Variants in LHB observed in about 807,000 individuals in gnomAD.
LHB encodes the protein luteinizing hormone subunit beta.
LHB carries 11 observed loss-of-function variants against 10.6 expected under a neutral mutation model. The observed-to-expected ratio is 1.04, with a 90% confidence interval of 0.66 to 1.72. The LOEUF (loss-of-function observed/expected upper bound fraction) is 1.72. Ranked by LOEUF, LHB falls within the 40% of genes most tolerant of loss-of-function variation. LHB has a pLI of 0.00. For synonymous variants in LHB, 86 were observed against 83.1 expected (o/e 1.03, Z -0.19); for missense variants, 184 against 197.3 (o/e 0.93, Z 0.41).
chr19:49,016,881 C>T (rs1489459309), intron 1 of LHB, 167 bp from the exon 2 acceptor site: 1 of 1,580,570 alleles, frequency 6.3e-7, no homozygotes, highest in Non-Finnish European at 8.6e-7. Context: ...CCCCACAGCC[C>T]AGAGGACCTG....
chr19:49,018,928 C>T (rs1055243886), upstream of LHB: 90 of 1,534,306 alleles, frequency 5.9e-5, no homozygotes, highest in Admixed American at 2.9e-4. Flanking sequence ...TGGCGGCGGT[C>T]CAGGACGCCC....
chr19:49,016,307 G>C lies in LHB; in HGVS notation c.187C>G (p.Arg63Gly), dbSNP rs751012697. 2.5e-6 allele frequency: 4 copies of C among 1,610,482 alleles called. No homozygotes were observed. Among genetic ancestry groups the C allele is most frequent in the East Asian group, 2.2e-5 (1 of 44,882 alleles). ...GGCGGCAGGACCGCCTGCAGCACGC[G>C]CATCTGGAGGCCGTGTGAGTGGGGG... ...ICAGYCPTMM[R>G]VLQAVLPPLP... is the part of the protein sequence containing the mutation. The change falls in exon 3 of 3, where the codon CGC becomes GGC. Residue 63 changes from arginine to glycine, a missense_variant. Transcript: ENST00000649238.
Position 49,016,716 on chromosome 19 carries a change from T to C in LHB, c.16-2A>G, listed in dbSNP as rs1600205625. 1.2e-6 allele frequency: 2 copies of C among 1,610,814 alleles called. No individual in the cohort carries two copies. The highest frequency in any genetic ancestry group is 1.7e-6 in the Non-Finnish European group (2 of 1,179,744). ...CAGCAGCAGCAACAGCAGCAGCCCC[T>C]GGGACAAGGACACTGCTTCACCCAG... On this transcript the variant is annotated splice_acceptor_variant, in intron 1 of 2. Coordinates refer to ENST00000649238, the MANE Select transcript of LHB (RefSeq NM_000894.3). LOFTEE classifies it high-confidence loss of function.
chr19:49,018,990 G>T (rs1239940389), upstream of LHB: 18 of 1,533,004 alleles, frequency 1.2e-5, no homozygotes, highest in Non-Finnish European at 1.6e-5. Flanking sequence ...CTTCGTCCAG[G>T]CAATTAGAGC....
In LHB at chr19:49,016,703, C is replaced by G; in HGVS notation, c.27G>C (p.Leu9=). 6.2e-7 allele frequency: 1 copy of G among 1,611,368 alleles called. No homozygotes were observed. Among genetic ancestry groups the G allele is most frequent in the South Asian group, 1.1e-5 (1 of 91,000 alleles). The change falls in exon 2 of 3, where the codon CTG becomes CTC. Residue 9 remains leucine, a synonymous_variant. Transcript: ENST00000649238. MEMLQGLL[L]LLLLSMGGAW... is the part of the protein sequence containing the mutation. The stretch of plus-strand genomic sequence containing the variant: ...CCCCGCCCATGCTCAGCAGCAGCAA[C>G]AGCAGCAGCCCCTGGGACAAGGACA...
chr19:49,017,878 C>T (rs541774851), upstream of LHB: 20 of 398,020 alleles, frequency 5.0e-5, no homozygotes, highest in East Asian at 6.1e-4. Flanking sequence ...CAGGCTGGGT[C>T]CGGAACCCTT....
upstream of LHB, chr19:49,018,953 G>C: frequency 6.5e-7 from 1 of 1,534,360 alleles, no homozygotes; most frequent in South Asian, 1.2e-5. Context: ...CGGATACTGT[G>C]AAAGGCCGGC....
Position 49,016,302 on chromosome 19 carries a change from C to T in LHB, c.192G>A (p.Val64=). Residue 64 remains valine (V), a synonymous_variant, in exon 3 of 3, where the codon GTG becomes GTA. Transcript: ENST00000649238. ...CAGYCPTMMR[V]LQAVLPPLPQ... Reference sequence around the variant, plus strand: ...GCAGGGGCGGCAGGACCGCCTGCAGCACGCGCATCTGGAGGCCGTGTGAGT... The same window carrying T: ...GCAGGGGCGGCAGGACCGCCTGCAGTACGCGCATCTGGAGGCCGTGTGAGT... 2 of 1,611,052 alleles carry T rather than the reference C, an allele frequency of 1.2e-6. No homozygotes were observed.
At chr19:49,019,156 C>T, upstream of LHB, 3 of 1,411,108 alleles carry the variant, frequency 2.1e-6, no homozygotes, top group Non-Finnish European at 1.8e-6. Context: ...CCCTTCCTGC[C>T]ACCCACGCCA....
At chr19:49,018,202 G>A, upstream of LHB, 1 of 491,138 alleles carries the variant, frequency 2.0e-6, no homozygotes, top group Non-Finnish European at 3.2e-6. Flanking sequence ...CGCGCGGCAC[G>A]CGGACCCGCG....
upstream of LHB, chr19:49,018,983 C>T (rs1282836411): frequency 2.6e-6 from 4 of 1,533,372 alleles, no homozygotes; most frequent in African/African-American, 4.1e-5. Context: ...CGGGGTTCTT[C>T]GTCCAGGCAA....
Position 49,016,192 on chromosome 19 carries a change from G to A in LHB, c.302C>T (p.Ser101Phe). The A allele has an allele frequency of 6.2e-7, 1 of 1,612,682 alleles. No individual in the cohort carries two copies. ...GCPRGVDPVV[S>F]FPVALSCRCG... ...GCGACAGCTGAGAGCCACAGGGAAG[G>A]AGACCACGGGGTCCACACCACGCGG... The change falls in exon 3 of 3, where the codon TCC becomes TTC. Residue 101 changes from serine to phenylalanine, a missense_variant. Coordinates refer to ENST00000649238, the MANE Select transcript of LHB (RefSeq NM_000894.3).
chr19:49,017,223 G>A, upstream of LHB: 6 of 1,437,430 alleles, frequency 4.2e-6, no homozygotes, highest in Non-Finnish European at 4.9e-6. Flanking sequence ...GGCCAGGGAG[G>A]CGCAGGAGTG....
At position 49,016,102 on chromosome 19, in the gene LHB, T is replaced by A. The variant is rs1412524850; in HGVS notation, c.392A>T (p.Asp131Val). ...GGPKDHPLTC[D>V]HPQLSGLLFL ...GAGGAGGCCTGAGAGTTGGGGGTGG[T>A]CACAGGTCAAGGGGTGGTCTTTGGG... Residue 131 changes from aspartate (D) to valine (V), a missense_variant, in exon 3 of 3, where the codon GAC (aspartate) becomes GTC (valine). Asp to Val is a radical substitution (Grantham distance 152). Transcript: ENST00000649238. The A allele has an allele frequency of 6.2e-7, 1 of 1,612,838 alleles. No homozygotes were observed. Among genetic ancestry groups the A allele is most frequent in the Non-Finnish European group, 8.5e-7 (1 of 1,180,000 alleles).
At chr19:49,017,465 A>T (rs896938362), upstream of LHB, 1 of 1,139,124 alleles carries the variant, frequency 8.8e-7, no homozygotes. Context: ...TCAACCCTCC[A>T]CTTGAGGCTT....
At chr19:49,017,210 C>T, upstream of LHB, 4 of 1,493,212 alleles carry the variant, frequency 2.7e-6, no homozygotes, top group South Asian at 2.3e-5. Context: ...GAGAGGTGCA[C>T]ATGGCCAGGG....
rs750110473 is a variant in LHB, at chr19:49,016,256, G to A, written c.238C>T (p.Arg80Cys). The change falls in exon 3 of 3, where the codon CGT (arginine) becomes TGT (cysteine). Residue 80 changes from arginine to cysteine, a missense_variant. By Grantham distance (180) the Arg-to-Cys change is radical. Transcript: ENST00000649238. Reference sequence around the variant, plus strand: ...CGGATGGACTCGAAGCGCACATCACGGTAGGTGCACACCACCTGAGGCAGG... The same window carrying A: ...CGGATGGACTCGAAGCGCACATCACAGTAGGTGCACACCACCTGAGGCAGG... ...PPLPQVVCTYRDVRFESIRLP... is the reference protein window; with the variant it reads ...PPLPQVVCTYCDVRFESIRLP... 1.4e-5 allele frequency: 23 copies of A among 1,612,224 alleles called. No individual in the cohort carries two copies. Among genetic ancestry groups the A allele is most frequent in the African/African-American group, 1.1e-4 (8 of 74,888 alleles).
At chr19:49,018,490 C>T, upstream of LHB, 1 of 451,916 alleles carries the variant, frequency 2.2e-6, no homozygotes. Flanking sequence ...GCGTTGCCTG[C>T]GTTCCTGGGT....
upstream of LHB, chr19:49,017,852 CG>C (rs2039584501): frequency 5.0e-6 from 2 of 398,418 alleles, no homozygotes; most frequent in Non-Finnish European, 4.4e-6. Flanking sequence ...TGCCAATAGA[CG>C]TAATGAGTGC....
Sources: gnomAD v4.1 joint callset for allele counts on GRCh38, gnomAD v4.1.1 for gene constraint, MANE v1.5 for transcripts, NCBI Gene and HGNC (gene_info 2026-07-23, HGNC 2026-07-21) for gene names.